AMBRA1: variants seen among roughly 807,000 people sequenced by gnomAD.
AMBRA1 encodes the protein activating molecule in BECN1-regulated autophagy protein 1.
In AMBRA1, 47 loss-of-function variants were observed where a neutral mutation model predicts 125.4. The ratio of observed to expected loss-of-function variants is 0.37; its 90% confidence interval spans 0.30 to 0.48. The LOEUF is 0.48. Ranked by LOEUF, AMBRA1 falls within the 20% of genes least tolerant of loss-of-function variation. The pLI is 0.99. For synonymous variants in AMBRA1, 626 were observed against 655.5 expected (o/e 0.95, Z 0.69); for missense variants, 1,331 against 1,693.4 (o/e 0.79, Z 3.76).
intron 11 of AMBRA1, among the ~76,000 whole-genome samples, chr11:46,454,752 A>T (rs917806369): frequency 6.6e-6 from 1 of 152,068 alleles, no homozygotes; most frequent in African/African-American, 2.4e-5. Context: ...CTCCATCTCA[A>T]AAAAATAAAA....
chr11:46,513,296 A>G (rs1228406040), intron 7 of AMBRA1, among the ~76,000 whole-genome samples: 1 of 143,962 alleles, frequency 6.9e-6, no homozygotes, highest in Non-Finnish European at 1.5e-5. Context: ...AGAATTGAGT[A>G]CTCCTCAGAT....
At chr11:46,550,809 A>G (rs1193612203) in intron 1 of AMBRA1, among the ~76,000 whole-genome samples, 1 of 151,992 alleles carries the variant, frequency 6.6e-6, no homozygotes, top group Admixed American at 6.6e-5. Context: ...TGTCCAGGCC[A>G]GGCGCAGTGG....
intron 9 of AMBRA1, among the ~76,000 whole-genome samples, chr11:46,507,829 C>T (rs543336571): frequency 1.3e-4 from 20 of 152,140 alleles, no homozygotes; most frequent in Non-Finnish European, 2.5e-4. Flanking sequence ...AAACACCAAC[C>T]CTCCAGCCTC....
Position 46,542,731 on chromosome 11 carries a change from C to A in AMBRA1, c.1286G>T (p.Arg429Leu), listed in dbSNP as rs759251326. The change falls in exon 7 of 18, where the codon CGC (arginine) becomes CTC (leucine). Residue 429 changes from arginine to leucine, a missense_variant. Arg to Leu is a moderately radical substitution (Grantham distance 102). Transcript: ENST00000683756. The surrounding 1 kb of genome is among the most constrained non-coding windows in gnomAD (Gnocchi z 5.9). ...CGGGGGCATGGATTCCGCCTCAGAG[C>A]GGGAGTTCAGACTGAGTACTGTCCG... ...WTRTVLSLNS[R>L]SEAESMPPPR... 3 of 1,614,006 alleles carry A rather than the reference C, an allele frequency of 1.9e-6. No individual in the cohort carries two copies. Among genetic ancestry groups the A allele is most frequent in the South Asian group, 1.1e-5 (1 of 91,062 alleles).
chr11:46,437,029 C>T (rs1947753671), intron 12 of AMBRA1, among the ~76,000 whole-genome samples: 1 of 152,138 alleles, frequency 6.6e-6, no homozygotes, highest in South Asian at 2.1e-4. Context: ...CTTGCTGTTA[C>T]ATAGATCCAG....
chr11:46,574,350 T>C lies in AMBRA1; in HGVS notation c.-121+19478A>G, dbSNP rs866534006. 1.5e-4 allele frequency among the ~76,000 whole-genome samples: 23 copies of C among 150,372 alleles called. No homozygotes were observed. In the East Asian group the frequency reaches 4.3e-3, roughly 28 times the overall value. Reference sequence around the variant, plus strand: ...CTGTTGTTTCCTGACTTTTTAATGATTGCCATTCTAACTGGTGTGAGATGG... The same window carrying C: ...CTGTTGTTTCCTGACTTTTTAATGACTGCCATTCTAACTGGTGTGAGATGG... On this transcript the variant is annotated intron_variant, in intron 1 of 17. Coordinates refer to ENST00000683756, the MANE Select transcript of AMBRA1 (RefSeq NM_001387011.1).
At chr11:46,465,108 C>T (rs958295070) in intron 11 of AMBRA1, among the ~76,000 whole-genome samples, 1 of 152,022 alleles carries the variant, frequency 6.6e-6, no homozygotes, top group Non-Finnish European at 1.5e-5. Context: ...CCTAAATCAC[C>T]CCAGGGCCAA....
At chr11:46,567,460 G>A (rs1018209881) in intron 1 of AMBRA1, among the ~76,000 whole-genome samples, 6 of 152,090 alleles carry the variant, frequency 3.9e-5, no homozygotes, top group African/African-American at 9.7e-5. Context: ...TCCACCACCC[G>A]AGTTCAAGCA....
At chr11:46,585,681 AAAAAAAAAAAAAAAAT>A (rs2044350064) in intron 1 of AMBRA1, among the ~76,000 whole-genome samples, 2 of 34,110 alleles carry the variant, frequency 5.9e-5, no homozygotes, top group South Asian at 6.4e-4. Flanking sequence ...AAAAAAAAAA[AAAAAAAAAAAAAAAAT>A]ATATATATAT....
chr11:46,560,491 CAA>C (rs2043294891), intron 1 of AMBRA1, among the ~76,000 whole-genome samples: 2 of 152,248 alleles, frequency 1.3e-5, no homozygotes, highest in South Asian at 4.1e-4. Flanking sequence ...GTGCTCAAAA[CAA>C]AGTGTGATCA....
rs534316498 is a variant in AMBRA1, at chr11:46,499,965, T to C, written c.2340-5761A>G. Reference sequence around the variant, plus strand: ...CCGCCCCCGGCTGACAGGGGAAATTTTTCTAAGATAGTTAACTCCAACAAA... The same window carrying C: ...CCGCCCCCGGCTGACAGGGGAAATTCTTCTAAGATAGTTAACTCCAACAAA... On this transcript the variant is annotated intron_variant, in intron 9 of 17. Coordinates refer to ENST00000683756, the MANE Select transcript of AMBRA1 (RefSeq NM_001387011.1). 9.6e-4 allele frequency among the ~76,000 whole-genome samples: 146 copies of C among 152,304 alleles called. No homozygotes were observed. The Middle Eastern group carries it at 0.014, about 14-fold the overall frequency.
At chr11:46,553,504 T>C (rs1240355350) in intron 1 of AMBRA1, among the ~76,000 whole-genome samples, 3 of 151,886 alleles carry the variant, frequency 2.0e-5, no homozygotes, top group Non-Finnish European at 4.4e-5. Flanking sequence ...CCCAGCACTT[T>C]GGGAGGCCAA....
At chr11:46,450,840 C>T (rs1948553392) in intron 11 of AMBRA1, among the ~76,000 whole-genome samples, 1 of 152,162 alleles carries the variant, frequency 6.6e-6, no homozygotes, top group Non-Finnish European at 1.5e-5. Context: ...ATTTACAACA[C>T]CAAGCATGAA....
chr11:46,468,961 T>C (rs888984990), intron 11 of AMBRA1, among the ~76,000 whole-genome samples: 1 of 151,676 alleles, frequency 6.6e-6, no homozygotes. Context: ...CTGACCAACA[T>C]GGCAAAACCC....
chr11:46,427,698 G>A (rs563974866), intron 14 of AMBRA1, among the ~76,000 whole-genome samples: 17 of 152,176 alleles, frequency 1.1e-4, no homozygotes, highest in Non-Finnish European at 2.1e-4. Context: ...AGATTTGGGT[G>A]GGATGTAGGT....
At chr11:46,572,546 ACCATGAGGTG>A (rs1204831438) in intron 1 of AMBRA1, among the ~76,000 whole-genome samples, 1 of 152,220 alleles carries the variant, frequency 6.6e-6, no homozygotes, top group Non-Finnish European at 1.5e-5. Context: ...CTAAGCACCC[ACCATGAGGTG>A]CATACAGTAG....
At chr11:46,468,842 G>A (rs1949448382) in intron 11 of AMBRA1, among the ~76,000 whole-genome samples, 1 of 148,854 alleles carries the variant, frequency 6.7e-6, no homozygotes, top group Non-Finnish European at 1.5e-5. Flanking sequence ...AAAAGAAAAA[G>A]AGAGAAAGAA....
intron 9 of AMBRA1, among the ~76,000 whole-genome samples, chr11:46,506,725 A>C (rs1258125725): frequency 1.3e-5 from 2 of 152,178 alleles, no homozygotes; most frequent in Non-Finnish European, 2.9e-5. Flanking sequence ...TATGTTTGAC[A>C]ATACCAAAAT....
chr11:46,570,661 AT>A (rs951397636), intron 1 of AMBRA1, among the ~76,000 whole-genome samples: 19 of 151,440 alleles, frequency 1.3e-4, no homozygotes, highest in African/African-American at 2.4e-4. Context: ...TGCTGTTAAT[AT>A]TTTTTTTTAA....
Sources: gnomAD v4.1 joint callset for allele counts (sites outside exome capture counted in the v4.1 genomes callset) on GRCh38, gnomAD v4.1.1 for gene constraint, Gnocchi (gnomAD v3.1) non-coding constraint, MANE v1.5 for transcripts, NCBI Gene and HGNC (gene_info 2026-07-23, HGNC 2026-07-21) for gene names.